CRISPLD2: variants seen among roughly 807,000 people sequenced by gnomAD.
CRISPLD2 encodes cysteine-rich secretory protein LCCL domain-containing 2.
CRISPLD2 carries 47 observed loss-of-function variants against 71.1 expected under a neutral mutation model. The ratio of observed to expected loss-of-function variants is 0.66; its 90% CI spans 0.52 to 0.84. CRISPLD2 has a LOEUF of 0.84. Among genes scored for constraint, CRISPLD2 ranks in the 40% least tolerant of loss-of-function variants. The pLI is 0.00. For missense variants in CRISPLD2, 830 were observed against 651.1 expected (o/e 1.27, Z -2.99); for synonymous variants, 317 against 250.1 (o/e 1.27, Z -2.52).
chr16:84,888,167 C>T (rs1045342914), intron 13 of CRISPLD2, among the ~76,000 whole-genome samples: 6 of 152,332 alleles, frequency 3.9e-5, no homozygotes, highest in East Asian at 1.9e-4. Context: ...GAGGAGAATC[C>T]GTTTTCTTGC....
chr16:84,868,820 C>T lies in CRISPLD2; in HGVS notation c.854-31C>T, dbSNP rs772363922. 27 of 1,594,168 alleles carry T rather than the reference C, an allele frequency of 1.7e-5. No homozygotes were observed. In the East Asian group the frequency reaches 2.5e-4, roughly 15 times the overall value. ...TCTTCTCACCCTCCTGGTTTCGTGC[C>T]GTGACATGTATTCCCGCATTTCTCT... On this transcript the variant is annotated intron_variant, in intron 7 of 14. Coordinates refer to ENST00000262424, the MANE Select transcript of CRISPLD2 (RefSeq NM_031476.4).
chr16:84,892,530 C>T (rs1019427583), intron 14 of CRISPLD2, among the ~76,000 whole-genome samples: 4 of 152,116 alleles, frequency 2.6e-5, no homozygotes, highest in Non-Finnish European at 5.9e-5. Flanking sequence ...ATTCTCAGCG[C>T]TGAGTTGTCC....
chr16:84,850,898 T>C (rs552700054), intron 5 of CRISPLD2, among the ~76,000 whole-genome samples: 1 of 151,922 alleles, frequency 6.6e-6, no homozygotes, highest in African/African-American at 2.4e-5. Context: ...TCTCTCCTCA[T>C]GGTCCCAAGA....
intron 12 of CRISPLD2, among the ~76,000 whole-genome samples, chr16:84,877,949 G>A (rs13334561): frequency 0.022 from 3,296 of 150,132 alleles, 128 homozygotes; most frequent in African/African-American, 0.076. Context: ...GGTGGCTCAC[G>A]CCTGTAATCC....
intron 5 of CRISPLD2, 59 bp from the exon 6 acceptor site, chr16:84,854,670 C>A: frequency 3.2e-6 from 4 of 1,246,036 alleles, no homozygotes; most frequent in South Asian, 1.2e-5. Flanking sequence ...GGAAGAGGAT[C>A]AGTCCCGAGG....
intron 14 of CRISPLD2, among the ~76,000 whole-genome samples, chr16:84,892,779 C>T (rs1177701726): frequency 6.6e-6 from 1 of 151,812 alleles, no homozygotes; most frequent in Non-Finnish European, 1.5e-5. Flanking sequence ...AGTTCGAGAC[C>T]AGCCTGACCA....
chr16:84,838,376 G>A (rs1210854639), intron 1 of CRISPLD2, 46 bp from the exon 2 acceptor site: 3 of 1,260,246 alleles, frequency 2.4e-6, no homozygotes, highest in East Asian at 4.6e-5. Context: ...GCTGTGACCG[G>A]CTCCTACTAA....
At chr16:84,854,460 G>C (rs1917177124) in intron 5 of CRISPLD2, among the ~76,000 whole-genome samples, 1 of 152,140 alleles carries the variant, frequency 6.6e-6, no homozygotes, top group Non-Finnish European at 1.5e-5. Flanking sequence ...GGGCCACGGG[G>C]CTGACAGCCA....
At chr16:84,842,929 G>A (rs529685263) in intron 2 of CRISPLD2, among the ~76,000 whole-genome samples, 6 of 152,220 alleles carry the variant, frequency 3.9e-5, no homozygotes, top group South Asian at 2.1e-4. Context: ...GATGCTTCCC[G>A]CCTCCCGGTC....
chr16:84,838,559 G>A lies in CRISPLD2; in HGVS notation c.64G>A (p.Gly22Ser). 13 of 1,614,206 alleles carry A rather than the reference G, an allele frequency of 8.1e-6. No individual in the cohort carries two copies. Among genetic ancestry groups the A allele is most frequent in the Non-Finnish European group, 1.1e-5 (13 of 1,180,036 alleles). The change falls in exon 2 of 15, where the codon GGC becomes AGC. Residue 22 changes from glycine to serine, a missense_variant. Coordinates refer to ENST00000262424, the MANE Select transcript of CRISPLD2 (RefSeq NM_031476.4). ...GCTGTTCCTGGTCTGCGGATCCCAA[G>A]GCTACCTCCTGCCCAACGTCACTCT... ...GLLFLVCGSQ[G>S]YLLPNVTLLE... is the part of the protein sequence containing the mutation.
Position 84,878,367 on chromosome 16 carries a change from C to G in CRISPLD2, c.1229+857C>G, listed in dbSNP as rs140098815. On this transcript the variant is annotated intron_variant, in intron 12 of 14. Transcript: ENST00000262424. The stretch of plus-strand genomic sequence containing the variant: ...CTCTCCCTCCAGCTCCCGGCCACAC[C>G]CCTGCACCAGGGAGCTTCTTTCTGT... Among the ~76,000 whole-genome samples, 497 of 152,320 alleles carry G rather than the reference C, an allele frequency of 3.3e-3. 3 individuals carry two copies. Among genetic ancestry groups the G allele is most frequent in the African/African-American group, 0.011 (474 of 41,590 alleles).
At chr16:84,887,602 C>A (rs1317404379) in intron 13 of CRISPLD2, among the ~76,000 whole-genome samples, 2 of 152,226 alleles carry the variant, frequency 1.3e-5, no homozygotes, top group African/African-American at 4.8e-5. Context: ...TCAGGCCGGG[C>A]GCGGCGGCTC....
At chr16:84,845,488 C>T (rs957749811) in intron 2 of CRISPLD2, among the ~76,000 whole-genome samples, 1 of 152,232 alleles carries the variant, frequency 6.6e-6, no homozygotes, top group Non-Finnish European at 1.5e-5. Context: ...TGCCGTGTTA[C>T]CCTCAGAGGT....
chr16:84,822,900 C>A (rs922276074), intron 1 of CRISPLD2, among the ~76,000 whole-genome samples: 2 of 152,106 alleles, frequency 1.3e-5, no homozygotes, highest in Non-Finnish European at 2.9e-5. Flanking sequence ...CCATTTAACC[C>A]ATTTTGAAGT....
intron 6 of CRISPLD2, among the ~76,000 whole-genome samples, chr16:84,866,432 C>T (rs556558183): frequency 2.0e-5 from 3 of 152,056 alleles, no homozygotes; most frequent in East Asian, 3.9e-4. Context: ...GACGGGGTTT[C>T]GCCATGTTAG....
intron 13 of CRISPLD2, among the ~76,000 whole-genome samples, chr16:84,881,951 C>T (rs949841910): frequency 1.3e-5 from 2 of 152,168 alleles, no homozygotes; most frequent in African/African-American, 2.4e-5. Flanking sequence ...TTATCTCCCC[C>T]CATCTTTTTT....
At chr16:84,871,103 C>G (rs1362723146) in intron 8 of CRISPLD2, among the ~76,000 whole-genome samples, 1 of 152,082 alleles carries the variant, frequency 6.6e-6, no homozygotes, top group Non-Finnish European at 1.5e-5. Context: ...GCTTGCAGGT[C>G]TGGCTTTCTT....
intron 6 of CRISPLD2, among the ~76,000 whole-genome samples, chr16:84,859,460 C>T (rs185805033): frequency 1.9e-4 from 29 of 152,248 alleles, no homozygotes; most frequent in East Asian, 9.6e-4. Flanking sequence ...GAGGTCTCCC[C>T]GGGGAAGTAT....
chr16:84,873,150 G>A (rs772999342), intron 10 of CRISPLD2, 28 bp downstream of exon 10: 3 of 1,599,398 alleles, frequency 1.9e-6, no homozygotes, highest in Admixed American at 3.5e-5. Flanking sequence ...GGGGCTCTGT[G>A]AAACGGTTTT....
Sources: allele counts gnomAD v4.1 joint callset (sites outside exome capture counted in the v4.1 genomes callset), GRCh38; gene constraint gnomAD v4.1.1; transcripts MANE v1.5; gene names NCBI Gene and HGNC (gene_info 2026-07-23, HGNC 2026-07-21).